Variants in CHD7 observed in about 807,000 individuals in gnomAD.
CHD7 encodes ATP-dependent chromatin remodeler CHD7.
A neutral mutation model predicts 307.3 loss-of-function variants in CHD7; 24 were observed. That is an observed-to-expected ratio of 0.08 (90% CI 0.06 to 0.11). The LOEUF (loss-of-function observed/expected upper bound fraction) is 0.11, where lower values mean the gene tolerates loss of function less well. CHD7 is among the 10% of genes least tolerant of loss of function. The pLI, the probability that CHD7 is intolerant of heterozygous loss-of-function variation, is 1.00. For synonymous variants in CHD7, 1,363 were observed against 1,349.9 expected (o/e 1.01, Z -0.21); for missense variants, 3,106 against 3,727.1 (o/e 0.83, Z 4.34).
At chr8:60,757,988 C>T (rs1419988452) in intron 2 of CHD7, among the ~76,000 whole-genome samples, 1 of 152,086 alleles carries the variant, frequency 6.6e-6, no homozygotes, top group Non-Finnish European at 1.5e-5. Context: ...ATATTGAGAA[C>T]CCCAAAGAGC....
At chr8:60,864,993 T>C in intron 37 of CHD7, 23 bp from the exon 38 acceptor site, 1 of 1,561,632 alleles carries the variant, frequency 6.4e-7, no homozygotes, top group Non-Finnish European at 8.7e-7. Flanking sequence ...TTATAGCCAC[T>C]GTTTGCCTCC....
At chr8:60,756,710 C>G (rs745833884) in intron 2 of CHD7, among the ~76,000 whole-genome samples, 4 of 152,090 alleles carry the variant, frequency 2.6e-5, no homozygotes, top group Non-Finnish European at 4.4e-5. Context: ...CACACACATA[C>G]GCGCATACAC....
chr8:60,765,225 A>ACG (rs1378318043), intron 2 of CHD7, among the ~76,000 whole-genome samples: 1 of 151,286 alleles, frequency 6.6e-6, no homozygotes, highest in African/African-American at 2.4e-5. Flanking sequence ...ACACACACAC[A>ACG]CACACGCACA....
chr8:60,816,113 G>GTCTGTCTGTCTGTCTGTCTCTCTCTC, intron 7 of CHD7, among the ~76,000 whole-genome samples: 1 of 139,318 alleles, frequency 7.2e-6, no homozygotes, highest in African/African-American at 2.9e-5. Context: ...CTGTCTGTCT[G>GTCTGTCTGTCTGTCTGTCTCTCTCTC]TCTCTCTCTC....
At chr8:60,808,304 G>T (rs535623428) in intron 7 of CHD7, 32 bp downstream of exon 7, 6 of 1,272,884 alleles carry the variant, frequency 4.7e-6, no homozygotes, top group Non-Finnish European at 5.6e-6. Context: ...TTTTAATGGG[G>T]GGCTATATTT....
At position 60,695,207 on chromosome 8, in the gene CHD7, A is replaced by T. The variant is rs527544710; in HGVS notation, c.-175+16125A>T. On this transcript the variant is annotated intron_variant, in intron 1 of 37. Coordinates refer to ENST00000423902, the MANE Select transcript of CHD7 (RefSeq NM_017780.4). ...TTTGAGCAGGGAGAGGTGTAAAAAG[A>T]TCACCTTAGAAAGGTTTAGAAATAA... is the stretch of plus-strand genomic sequence containing the variant. Among the ~76,000 whole-genome samples the T allele has an allele frequency of 2.8e-3, 431 of 152,342 alleles. 1 individual carries two copies. The highest frequency in any genetic ancestry group is 6.8e-3 in the Middle Eastern group (2 of 294).
chr8:60,832,623 C>T (rs1225605325), intron 15 of CHD7, among the ~76,000 whole-genome samples: 1 of 152,150 alleles, frequency 6.6e-6, no homozygotes, highest in Non-Finnish European at 1.5e-5. Flanking sequence ...AAAGGAGATA[C>T]AAAAGGGTTT....
At chr8:60,811,308 C>CT (rs1812796670) in intron 7 of CHD7, among the ~76,000 whole-genome samples, 3 of 152,204 alleles carry the variant, frequency 2.0e-5, no homozygotes, top group African/African-American at 7.2e-5. Context: ...GTAGTCCTCC[C>CT]TTTCCACCCC....
chr8:60,732,539 G>T (rs977808668), intron 1 of CHD7, among the ~76,000 whole-genome samples: 3 of 152,144 alleles, frequency 2.0e-5, no homozygotes, highest in Admixed American at 6.5e-5. Flanking sequence ...CTTTTTGTAG[G>T]CTTGACATCA....
intron 1 of CHD7, among the ~76,000 whole-genome samples, chr8:60,721,358 G>A (rs1167330005): frequency 1.3e-5 from 2 of 152,196 alleles, no homozygotes; most frequent in African/African-American, 4.8e-5. Flanking sequence ...TGAGATGGTG[G>A]CTGCCTATAA....
intron 3 of CHD7, among the ~76,000 whole-genome samples, chr8:60,793,184 G>A (rs1444375562): frequency 6.6e-6 from 1 of 152,138 alleles, no homozygotes; most frequent in East Asian, 1.9e-4. Flanking sequence ...TCATAGTAGG[G>A]GAGACTTCTG....
intron 1 of CHD7, among the ~76,000 whole-genome samples, chr8:60,704,288 A>T (rs537223206): frequency 1.3e-5 from 2 of 152,312 alleles, no homozygotes; most frequent in East Asian, 3.9e-4. Flanking sequence ...CAGTTATACC[A>T]TGTGCCCAAG....
chr8:60,730,418 T>C (rs1181195054), intron 1 of CHD7, among the ~76,000 whole-genome samples: 1 of 152,186 alleles, frequency 6.6e-6, no homozygotes, highest in Non-Finnish European at 1.5e-5. Flanking sequence ...ATATTTATAG[T>C]TTTGATTATG....
intron 2 of CHD7, among the ~76,000 whole-genome samples, chr8:60,763,000 G>C (rs931204576): frequency 6.6e-6 from 1 of 152,030 alleles, no homozygotes; most frequent in Admixed American, 6.6e-5. Flanking sequence ...GTGGGGGGGC[G>C]GCAGGGGGAG....
At chr8:60,689,006 A>G (rs1394811244) in intron 1 of CHD7, among the ~76,000 whole-genome samples, 6 of 152,156 alleles carry the variant, frequency 3.9e-5, no homozygotes, top group Non-Finnish European at 8.8e-5. Flanking sequence ...GTGAGTAGCA[A>G]CTAGAACATA....
intron 21 of CHD7, among the ~76,000 whole-genome samples, chr8:60,843,575 G>A (rs893147850): frequency 2.6e-5 from 4 of 152,214 alleles, no homozygotes; most frequent in African/African-American, 9.6e-5. Context: ...CATGGCTCAG[G>A]CAGGCAGGTG....
At chr8:60,689,530 C>G (rs1806089736) in intron 1 of CHD7, among the ~76,000 whole-genome samples, 1 of 152,210 alleles carries the variant, frequency 6.6e-6, no homozygotes, top group Non-Finnish European at 1.5e-5. Flanking sequence ...GCTCATTTAA[C>G]AGCCTGTAGC....
intron 3 of CHD7, among the ~76,000 whole-genome samples, chr8:60,785,207 T>C (rs1811439099): frequency 6.6e-6 from 1 of 152,208 alleles, no homozygotes; most frequent in Non-Finnish European, 1.5e-5. Context: ...TATATAAAGA[T>C]TCTTTGAATG....
chr8:60,742,628 T>C lies in CHD7; in HGVS notation c.1196T>C (p.Met399Thr). ...GCCTCTCCACCTCCCATGTCACCCA[T>C]GAAAGCAATGAGTAATCCAGCAGGC... ...TYASPPPMSPMKAMSNPAGTP... is the reference protein window; with the variant it reads ...TYASPPPMSPTKAMSNPAGTP... The change falls in exon 2 of 38, where the codon ATG (methionine) becomes ACG (threonine). Residue 399 changes from methionine to threonine, a missense_variant. Around this residue, in one of 10 missense-constraint regions of CHD7, gnomAD observed 998 missense variants for 1,004.5 expected, o/e 0.99. Transcript: ENST00000423902. 1 of 1,612,310 alleles carries C rather than the reference T, an allele frequency of 6.2e-7. No homozygotes were observed. Among genetic ancestry groups the C allele is most frequent in the Non-Finnish European group, 8.5e-7 (1 of 1,178,742 alleles).
Sources: allele counts gnomAD v4.1 joint callset (sites outside exome capture counted in the v4.1 genomes callset), GRCh38; gene constraint gnomAD v4.1.1; regional missense constraint gnomAD v4.1.1; transcripts MANE v1.5; gene names NCBI Gene and HGNC (gene_info 2026-07-23, HGNC 2026-07-21).